IGF2BP3: variants seen among roughly 807,000 people sequenced by gnomAD.
IGF2BP3 encodes insulin-like growth factor 2 mRNA-binding protein 3.
Under a neutral mutation model 73.8 loss-of-function variants are expected in IGF2BP3, and 9 were observed. The observed-to-expected ratio is 0.12, with a 90% CI of 0.07 to 0.21. The LOEUF (loss-of-function observed/expected upper bound fraction) is 0.21. IGF2BP3 is among the 10% of genes least tolerant of loss of function. The pLI is 1.00. For synonymous variants in IGF2BP3, 258 were observed against 256.7 expected, an observed-to-expected ratio of 1.01 and a Z score of -0.05; for missense variants, 542 against 714.0, an observed-to-expected ratio of 0.76 and a Z score of 2.75.
Position 23,361,718 on chromosome 7 carries a change from C to A in IGF2BP3, c.309G>T (p.Gln103His), listed in dbSNP as rs763288801. Residue 103 changes from glutamine (Q) to histidine (H), a missense_variant, in exon 4 of 15, where the codon CAG becomes CAT. By Grantham distance (24) the Gln-to-His change is conservative. Coordinates refer to ENST00000258729, the MANE Select transcript of IGF2BP3 (RefSeq NM_006547.3). ...QWEVLDSLLVQYGVVESCEQV... is the reference protein window; with the variant it reads ...QWEVLDSLLVHYGVVESCEQV... ...GCTCACAGCTCTCCACCACTCCATA[C>A]TGGACTAGTAAACTATCCAGCACCT... 4 of 1,613,964 alleles carry A rather than the reference C, an allele frequency of 2.5e-6. No individual in the cohort carries two copies. Among genetic ancestry groups the A allele is most frequent in the Admixed American group, 1.7e-5 (1 of 60,022 alleles).
intron 14 of IGF2BP3, 37 bp from the exon 15 acceptor site, chr7:23,312,497 A>G (rs768751110): frequency 1.5e-6 from 2 of 1,376,582 alleles, no homozygotes; most frequent in Non-Finnish European, 2.1e-6. Context: ...CCACTTGATC[A>G]AAAGCTACTA....
intron 6 of IGF2BP3, among the ~76,000 whole-genome samples, chr7:23,348,752 G>C (rs993764277): frequency 6.6e-6 from 1 of 152,130 alleles, no homozygotes; most frequent in Non-Finnish European, 1.5e-5. Context: ...AAATGTCTAC[G>C]GGGGTTGGGG....
At chr7:23,366,924 A>ACT (rs1428269528) in intron 3 of IGF2BP3, among the ~76,000 whole-genome samples, 1 of 150,434 alleles carries the variant, frequency 6.6e-6, no homozygotes, top group Non-Finnish European at 1.5e-5. Flanking sequence ...GTATCATGCC[A>ACT]CTCCAGCCCA....
intron 12 of IGF2BP3, among the ~76,000 whole-genome samples, 159 bp from the exon 13 acceptor site, chr7:23,313,812 A>C (rs563586167): frequency 6.6e-6 from 1 of 152,366 alleles, no homozygotes; most frequent in Admixed American, 6.5e-5. Flanking sequence ...AGCAGTTAGA[A>C]GTCCTAAAAG....
intron 10 of IGF2BP3, among the ~76,000 whole-genome samples, chr7:23,322,598 C>T (rs973288479): frequency 4.6e-5 from 7 of 152,098 alleles, no homozygotes; most frequent in Admixed American, 4.6e-4. Context: ...TCGAGAAGAG[C>T]AACTCCAAGA....
chr7:23,402,489 G>A (rs1054604572), intron 3 of IGF2BP3: 2 of 152,150 alleles, frequency 1.3e-5, no homozygotes, highest in Admixed American at 6.6e-5. Context: ...AACAAAGGAG[G>A]TGATGGGAGT....
intron 5 of IGF2BP3, among the ~76,000 whole-genome samples, chr7:23,358,291 C>T (rs1436377130): frequency 6.6e-6 from 1 of 152,192 alleles, no homozygotes. Context: ...ACATCAAGGT[C>T]ACATAGCCTT....
chr7:23,321,040 T>G (rs899722828), intron 10 of IGF2BP3, among the ~76,000 whole-genome samples: 2 of 150,334 alleles, frequency 1.3e-5, no homozygotes, highest in Non-Finnish European at 3.0e-5. Flanking sequence ...TCTAGAAATA[T>G]TAGAAGATAT....
intron 6 of IGF2BP3, among the ~76,000 whole-genome samples, chr7:23,348,418 C>T (rs1257854547): frequency 6.6e-6 from 1 of 152,138 alleles, no homozygotes; most frequent in African/African-American, 2.4e-5. Flanking sequence ...TAAATATGGG[C>T]AAGATGATGG....
chr7:23,460,365 T>G (rs1242215086), intron 2 of IGF2BP3, among the ~76,000 whole-genome samples: 2 of 151,376 alleles, frequency 1.3e-5, no homozygotes, highest in Admixed American at 1.3e-4. Flanking sequence ...CTGTCTCTAC[T>G]AAATATACAA....
At chr7:23,407,722 G>T (rs960073440) in intron 3 of IGF2BP3, among the ~76,000 whole-genome samples, 1 of 151,770 alleles carries the variant, frequency 6.6e-6, no homozygotes, top group Admixed American at 6.6e-5. Flanking sequence ...TCCAGAAAAG[G>T]TAAACATGTT....
At position 23,373,409 on chromosome 7, in the gene IGF2BP3, G is replaced by A. The variant is rs116329499; in HGVS notation, c.286-11668C>T. ...AAGTGTGTGTGTCACACGAAAAGAC[G>A]CTCTGCACCATTAGTCATTAGGGAA... On this transcript the variant is annotated intron_variant, in intron 3 of 14. Transcript: ENST00000258729. Among the ~76,000 whole-genome samples the A allele has an allele frequency of 4.0e-3, 606 of 152,198 alleles. 2 individuals carry two copies. Among genetic ancestry groups the A allele is most frequent in the African/African-American group, 0.014 (588 of 41,524 alleles).
intron 2 of IGF2BP3, among the ~76,000 whole-genome samples, chr7:23,439,512 G>GTGCCAC (rs1787881223): frequency 7.1e-6 from 1 of 141,186 alleles, no homozygotes; most frequent in African/African-American, 2.7e-5. Context: ...AGCCAAGATC[G>GTGCCAC]TGCCACTGCA....
At chr7:23,331,033 A>T (rs146045411) in intron 10 of IGF2BP3, among the ~76,000 whole-genome samples, 4,159 of 152,288 alleles carry the variant, frequency 0.027, 90 homozygotes, top group South Asian at 0.1. Context: ...GCCTGACCTC[A>T]AGTGATCCGC....
intron 2 of IGF2BP3, among the ~76,000 whole-genome samples, chr7:23,460,713 G>A (rs1287190845): frequency 1.3e-5 from 2 of 152,120 alleles, no homozygotes; most frequent in Admixed American, 1.3e-4. Context: ...ACTTTGGGAG[G>A]CCGAGACAGG....
intron 2 of IGF2BP3, among the ~76,000 whole-genome samples, chr7:23,441,081 T>C (rs1787921489): frequency 6.6e-6 from 1 of 152,164 alleles, no homozygotes; most frequent in African/African-American, 2.4e-5. Context: ...ATACTTGAAG[T>C]ATTTTTTGGT....
chr7:23,398,421 T>C (rs1256910805), intron 3 of IGF2BP3, among the ~76,000 whole-genome samples: 2 of 152,332 alleles, frequency 1.3e-5, no homozygotes, highest in East Asian at 1.9e-4. Flanking sequence ...CCTTTGGGTA[T>C]ATACCCAGTA....
In IGF2BP3 at chr7:23,444,675, G is replaced by A. The variant is rs193018561; in HGVS notation, c.236+23807C>T. Among the ~76,000 whole-genome samples the A allele has an allele frequency of 8.0e-3, 1,215 of 151,350 alleles. 11 individuals are homozygous for A. Among genetic ancestry groups the A allele is most frequent in the Non-Finnish European group, 0.012 (791 of 67,852 alleles). ...CGAGAATCGCTTGAACCTGGGAGGTGGAGGGTGCAGTGGGCTCAGATTGCA... is the reference window on the plus strand; with the variant it reads ...CGAGAATCGCTTGAACCTGGGAGGTAGAGGGTGCAGTGGGCTCAGATTGCA... On this transcript the variant is annotated intron_variant, in intron 2 of 14. Coordinates refer to ENST00000258729, the MANE Select transcript of IGF2BP3 (RefSeq NM_006547.3).
intron 2 of IGF2BP3, among the ~76,000 whole-genome samples, chr7:23,428,878 C>A (rs190512211): frequency 8.5e-5 from 13 of 152,186 alleles, no homozygotes; most frequent in African/African-American, 3.1e-4. Flanking sequence ...TTGTATCAAT[C>A]TTTTTTGATG....
Sources: allele counts gnomAD v4.1 joint callset (sites outside exome capture counted in the v4.1 genomes callset), GRCh38; gene constraint gnomAD v4.1.1; transcripts MANE v1.5; gene names NCBI Gene and HGNC (gene_info 2026-07-23, HGNC 2026-07-21).